MEGF11: variants seen among roughly 807,000 people sequenced by gnomAD.
MEGF11 encodes the protein multiple EGF like domains 11.
Under a neutral mutation model 146.6 loss-of-function variants are expected in MEGF11, and 126 were observed. The observed-to-expected ratio is 0.86, with a 90% CI of 0.74 to 1.00. The LOEUF (loss-of-function observed/expected upper bound fraction) is 1.00, where lower values mean the gene tolerates loss of function less well. Ranked by LOEUF, MEGF11 falls within the 50% of genes least tolerant of loss-of-function variation. MEGF11 has a pLI of 0.00. For missense variants in MEGF11, 1,509 were observed against 1,521.2 expected (o/e 0.99, Z 0.13); for synonymous variants, 532 against 583.4 (o/e 0.91, Z 1.27).
intron 1 of MEGF11, among the ~76,000 whole-genome samples, chr15:66,143,183 G>A (rs1163536495): frequency 6.6e-6 from 1 of 152,228 alleles, no homozygotes; most frequent in East Asian, 1.9e-4. Context: ...CTGCATTTGC[G>A]AGAGGGAACT....
intron 5 of MEGF11, among the ~76,000 whole-genome samples, chr15:66,038,035 G>C (rs552180672): frequency 1.2e-4 from 18 of 152,320 alleles, no homozygotes; most frequent in African/African-American, 3.9e-4. Context: ...TTACCAAAGC[G>C]GTTTTATATG....
At chr15:66,067,957 C>T (rs568849907) in intron 5 of MEGF11, among the ~76,000 whole-genome samples, 8 of 152,304 alleles carry the variant, frequency 5.3e-5, no homozygotes, top group East Asian at 1.9e-4. Flanking sequence ...GTAAAAATGA[C>T]GATGCCACCA....
At chr15:66,160,983 G>T (rs2089934831) in intron 1 of MEGF11, among the ~76,000 whole-genome samples, 1 of 152,140 alleles carries the variant, frequency 6.6e-6, no homozygotes, top group African/African-American at 2.4e-5. Context: ...CCCAGGTGCA[G>T]GGAAGAGAAG....
At chr15:66,042,381 A>C (rs1022377352) in intron 5 of MEGF11, among the ~76,000 whole-genome samples, 1 of 152,148 alleles carries the variant, frequency 6.6e-6, no homozygotes, top group African/African-American at 2.4e-5. Context: ...AAGTGCTGGG[A>C]TTACAGGCAT....
chr15:66,240,561 T>A (rs576139605), intron 1 of MEGF11, among the ~76,000 whole-genome samples: 71 of 152,318 alleles, frequency 4.7e-4, no homozygotes, highest in Admixed American at 9.1e-4. Flanking sequence ...TGAGTCTTTG[T>A]CTTTGCTACA....
At chr15:66,224,184 T>C (rs1333310520) in intron 1 of MEGF11, among the ~76,000 whole-genome samples, 1 of 152,218 alleles carries the variant, frequency 6.6e-6, no homozygotes, top group Admixed American at 6.5e-5. Flanking sequence ...TTCCTTCACC[T>C]CTCTGAGCCT....
chr15:65,920,316 A>G (rs1246429232), intron 15 of MEGF11, among the ~76,000 whole-genome samples: 1 of 152,204 alleles, frequency 6.6e-6, no homozygotes, highest in Non-Finnish European at 1.5e-5. Context: ...AGAGGGTGAC[A>G]TGCATCTCAC....
intron 5 of MEGF11, among the ~76,000 whole-genome samples, chr15:66,008,276 G>T (rs2082580635): frequency 6.6e-6 from 1 of 152,122 alleles, no homozygotes; most frequent in Admixed American, 6.5e-5. Context: ...GGGTCCCTGA[G>T]TCCTACCCTC....
chr15:66,209,065 A>C (rs1251707025), intron 1 of MEGF11, among the ~76,000 whole-genome samples: 1 of 152,082 alleles, frequency 6.6e-6, no homozygotes, highest in Non-Finnish European at 1.5e-5. Context: ...AAAACTAAAC[A>C]TGCAGGCCGG....
chr15:65,965,593 TTTC>T (rs2081047601), intron 8 of MEGF11, among the ~76,000 whole-genome samples: 3 of 28,936 alleles, frequency 1.0e-4, no homozygotes, highest in Non-Finnish European at 9.5e-5. Flanking sequence ...TCTTTCTTTC[TTTC>T]TTTCTTTTTT....
intron 10 of MEGF11, among the ~76,000 whole-genome samples, chr15:65,934,680 GGAA>G (rs2079701942): frequency 6.6e-6 from 1 of 152,198 alleles, no homozygotes; most frequent in African/African-American, 2.4e-5. Flanking sequence ...GAAGGTATAA[GGAA>G]GAGGGGCTGA....
intron 1 of MEGF11, among the ~76,000 whole-genome samples, chr15:66,139,899 C>A (rs544142293): frequency 6.6e-6 from 1 of 152,240 alleles, no homozygotes; most frequent in South Asian, 2.1e-4. Context: ...CTAAGTCAGG[C>A]CCAGCAGGGC....
At chr15:66,096,804 C>G (rs937784059) in intron 4 of MEGF11, among the ~76,000 whole-genome samples, 2 of 152,194 alleles carry the variant, frequency 1.3e-5, no homozygotes, top group Non-Finnish European at 2.9e-5. Flanking sequence ...ACCACCTGTG[C>G]CTTCTCCAAG....
At chr15:66,007,079 T>C (rs1404213737) in intron 5 of MEGF11, among the ~76,000 whole-genome samples, 1 of 152,258 alleles carries the variant, frequency 6.6e-6, no homozygotes, top group African/African-American at 2.4e-5. Flanking sequence ...CTGCACGCTG[T>C]TGACCTGCCT....
chr15:66,162,281 A>C (rs1043908172), intron 1 of MEGF11, among the ~76,000 whole-genome samples: 3 of 152,196 alleles, frequency 2.0e-5, no homozygotes, highest in Admixed American at 6.5e-5. Flanking sequence ...AACAACGTGA[A>C]TGTGCTTACT....
intron 5 of MEGF11, among the ~76,000 whole-genome samples, chr15:65,984,967 C>T (rs2081802329): frequency 6.6e-6 from 1 of 151,852 alleles, no homozygotes; most frequent in African/African-American, 2.4e-5. Flanking sequence ...TGGGGTTTCA[C>T]CATGTTGGCC....
At chr15:65,944,270 T>A (rs1392990712) in intron 10 of MEGF11, among the ~76,000 whole-genome samples, 3 of 152,164 alleles carry the variant, frequency 2.0e-5, no homozygotes, top group African/African-American at 7.2e-5. Context: ...AGTGGGTATG[T>A]CAGTGTCCTG....
At chr15:66,216,110 G>A (rs2091575907) in intron 1 of MEGF11, among the ~76,000 whole-genome samples, 4 of 152,198 alleles carry the variant, frequency 2.6e-5, no homozygotes, top group Admixed American at 2.6e-4. Flanking sequence ...AAATTTGAAA[G>A]GCAGAGATTG....
Position 65,913,803 on chromosome 15 carries a change from C to T in MEGF11, c.2644G>A (p.Asp882Asn). ...HRRRQKEKGR[D>N]LAPRVSYTPA... ...GTGTAGGAGACACGGGGAGCCAGGT[C>T]TCGGCCCTTCTCTTTCTGCCGCCGC... The change falls in exon 20 of 26, where the codon GAC becomes AAC. Residue 882 changes from aspartate to asparagine, a missense_variant. By Grantham distance (23) the Asp-to-Asn change is conservative (BLOSUM62 1). Transcript: ENST00000395614. The T allele has an allele frequency of 6.2e-7, 1 of 1,613,866 alleles. No homozygotes were observed. The highest frequency in any genetic ancestry group is 8.5e-7 in the Non-Finnish European group (1 of 1,179,826).
Sources: allele counts gnomAD v4.1 joint callset (sites outside exome capture counted in the v4.1 genomes callset), GRCh38; gene constraint gnomAD v4.1.1; transcripts MANE v1.5; gene names NCBI Gene and HGNC (gene_info 2026-07-23, HGNC 2026-07-21).